The following BRAP variants were observed in gnomAD, a reference collection of about 807,000 sequenced individuals.
BRAP encodes the protein BRCA1 associated protein.
BRAP carries 42 observed loss-of-function variants against 73.4 expected under a neutral mutation model. The ratio of observed to expected loss-of-function variants is 0.57; its 90% CI spans 0.45 to 0.74. BRAP has a LOEUF of 0.74. BRAP is among the 30% of genes least tolerant of loss of function. The pLI is 0.00. For missense variants in BRAP, 593 were observed against 751.4 expected (o/e 0.79, Z 2.46); for synonymous variants, 255 against 267.4 (o/e 0.95, Z 0.45).
chr12:111,667,423 G>A (rs1045483339), intron 5 of BRAP, among the ~76,000 whole-genome samples: 5 of 152,208 alleles, frequency 3.3e-5, no homozygotes, highest in Middle Eastern at 6.8e-3. Context: ...AAAGATGCCG[G>A]GCGGGGTGGC....
chr12:111,674,113 C>T (rs1441917308), intron 4 of BRAP, among the ~76,000 whole-genome samples: 1 of 152,214 alleles, frequency 6.6e-6, no homozygotes, highest in Non-Finnish European at 1.5e-5. Context: ...TTCAGGGCTG[C>T]ACCAGGCAAA....
intron 5 of BRAP, among the ~76,000 whole-genome samples, chr12:111,668,958 A>G (rs548706151): frequency 6.6e-6 from 1 of 152,110 alleles, no homozygotes; most frequent in African/African-American, 2.4e-5. Flanking sequence ...TGGCCAAAAA[A>G]AATTCTTTTA....
At chr12:111,680,400 C>T (rs73203678) in intron 3 of BRAP, among the ~76,000 whole-genome samples, 1,719 of 152,068 alleles carry the variant, frequency 0.011, 10 homozygotes, top group Non-Finnish European at 0.019. Flanking sequence ...AGCTGTGATC[C>T]AGAATGGCTA....
chr12:111,650,621 C>T (rs575283703), intron 10 of BRAP, among the ~76,000 whole-genome samples: 1 of 152,250 alleles, frequency 6.6e-6, no homozygotes, highest in South Asian at 2.1e-4. Flanking sequence ...TCTCAAACTC[C>T]TGACCTCAAG....
In BRAP at chr12:111,644,711, C is replaced by T. The variant is rs183704101; in HGVS notation, c.1416-149G>A. 19 of 1,273,362 alleles carry T rather than the reference C, an allele frequency of 1.5e-5. No individual in the cohort carries two copies. The East Asian group carries it at 4.2e-4, about 28-fold the overall frequency. 78.9% of individuals were successfully genotyped at this position (1,273,362 alleles called of 1,614,324 possible). A position where few individuals can be genotyped will look rare whatever the true frequency, so the allele number is the denominator to read the frequency against. The stretch of plus-strand genomic sequence containing the variant: ...CATCGTGAGGGAGAATGGTTTTCTG[C>T]CATCGCAATCAGCTATGCAAAGCAA... On this transcript the variant is annotated intron_variant, in intron 11 of 11. Transcript: ENST00000419234.
chr12:111,682,634 G>A (rs1318476049), intron 2 of BRAP, among the ~76,000 whole-genome samples: 3 of 152,138 alleles, frequency 2.0e-5, no homozygotes, highest in South Asian at 4.2e-4. Context: ...CCTGGTAGCC[G>A]GGTGTGGTGG....
chr12:111,679,313 C>T lies in BRAP; in HGVS notation c.471G>A (p.Val157=). The T allele has an allele frequency of 6.4e-7, 1 of 1,557,468 alleles. No individual in the cohort carries two copies. The highest frequency in any genetic ancestry group is 8.7e-7 in the Non-Finnish European group (1 of 1,148,962). ...GAATACACAGCATGGCACTGCGCCGCACATCTTCTTTTAAGGAGGTCATCT... is the reference window on the plus strand; with the variant it reads ...GAATACACAGCATGGCACTGCGCCGTACATCTTCTTTTAAGGAGGTCATCT... The part of the protein sequence containing the change: ...TNKMTSLKED[V]RRSAMLCILT... Residue 157 remains valine, a synonymous_variant, in exon 4 of 12, where the codon GTG becomes GTA. Transcript: ENST00000419234.
At chr12:111,685,405 G>A (rs1432421551) in intron 1 of BRAP, among the ~76,000 whole-genome samples, 1 of 152,190 alleles carries the variant, frequency 6.6e-6, no homozygotes, top group Non-Finnish European at 1.5e-5. Context: ...CTGCCTTTAC[G>A]AAGCCCATAG....
At position 111,644,317 on chromosome 12, in the gene BRAP, C is replaced by T. The variant is rs145317226; in HGVS notation, c.1661G>A (p.Arg554Gln). 1.4e-5 allele frequency: 23 copies of T among 1,613,898 alleles called. No individual in the cohort carries two copies. The highest frequency in any genetic ancestry group is 3.3e-5 in the Admixed American group (2 of 59,978). The change falls in exon 12 of 12, where the codon CGG becomes CAG. Residue 554 changes from arginine to glutamine, a missense_variant. This residue lies in a region of BRAP where 79 missense variants were observed against 65.3 expected (regional missense o/e 1.21). Coordinates refer to ENST00000419234, the MANE Select transcript of BRAP (RefSeq NM_006768.5). The part of the protein sequence containing the change: ...QKINHLPAET[R>Q]QEIQEGQINI... Reference sequence around the variant, plus strand: ...GATCTGTCCCTCCTGGATTTCCTGCCGGGTCTCGGCAGGCAGATGGTTGAT... The same window carrying T: ...GATCTGTCCCTCCTGGATTTCCTGCTGGGTCTCGGCAGGCAGATGGTTGAT...
chr12:111,652,203 A>G (rs1397940346), intron 10 of BRAP, among the ~76,000 whole-genome samples: 1 of 152,152 alleles, frequency 6.6e-6, no homozygotes, highest in Admixed American at 6.6e-5. Flanking sequence ...AGATGAAAAT[A>G]TAAAGGTAAC....
chr12:111,660,514 T>C, intron 7 of BRAP, 86 bp downstream of exon 7: 1 of 1,148,184 alleles, frequency 8.7e-7, no homozygotes, highest in Middle Eastern at 2.1e-4. Flanking sequence ...AAATTAAAAA[T>C]AAAGAACTTA....
chr12:111,667,167 T>C (rs1886977107), intron 5 of BRAP, among the ~76,000 whole-genome samples: 1 of 152,192 alleles, frequency 6.6e-6, no homozygotes, highest in Non-Finnish European at 1.5e-5. Flanking sequence ...TATATACATT[T>C]CCATTGTTTT....
At chr12:111,679,441 A>G (rs1352302769) in intron 3 of BRAP, 101 bp from the exon 4 acceptor site, 1 of 840,680 alleles carries the variant, frequency 1.2e-6, no homozygotes, top group Non-Finnish European at 1.6e-6. Context: ...AAAAATAAAA[A>G]TTGTAATATT....
chr12:111,658,651 C>T, intron 9 of BRAP, 85 bp downstream of exon 9: 1 of 1,112,514 alleles, frequency 9.0e-7, no homozygotes, highest in East Asian at 2.5e-5. Flanking sequence ...AAAAAATGTA[C>T]ATCCAGGTAA....
rs551863409 is a variant in BRAP at position 111,646,512 on chromosome 12, C to T, written c.1416-1950G>A. Among the ~76,000 whole-genome samples the T allele has an allele frequency of 1.6e-4, 24 of 152,190 alleles. No homozygotes were observed. The South Asian group carries it at 5.0e-3, about 32-fold the overall frequency. On this transcript the variant is annotated intron_variant, in intron 11 of 11. Transcript: ENST00000419234. ...AATTTGGGCCAGGCACGGTGGCTCA[C>T]GCCTGTTATCCCAGCACTTTGGGAG... is the stretch of plus-strand genomic sequence containing the variant.
intron 5 of BRAP, chr12:111,670,183 T>G: frequency 3.3e-6 from 2 of 613,126 alleles, no homozygotes; most frequent in South Asian, 1.4e-5. Context: ...TGGAGATCAC[T>G]GTAGGCTTTG....
At chr12:111,660,528 C>T (rs911304244) in intron 7 of BRAP, 72 bp downstream of exon 7, 11 of 1,292,142 alleles carry the variant, frequency 8.5e-6, no homozygotes, top group African/African-American at 1.5e-5. Flanking sequence ...GAACTTAAGT[C>T]ATACCAGGCA....
At chr12:111,660,218 G>GA (rs1286810704) in intron 7 of BRAP, among the ~76,000 whole-genome samples, 1 of 151,338 alleles carries the variant, frequency 6.6e-6, no homozygotes, top group East Asian at 1.9e-4. Context: ...TGAACAGCAA[G>GA]AAAAAAATTC....
At chr12:111,672,579 G>T in intron 5 of BRAP, 82 bp downstream of exon 5, 2 of 1,243,458 alleles carry the variant, frequency 1.6e-6, no homozygotes, top group East Asian at 2.5e-5. Flanking sequence ...GGCCTATTCT[G>T]GGTATTTCAC....
Sources: gnomAD v4.1 joint callset for allele counts (sites outside exome capture counted in the v4.1 genomes callset) on GRCh38, gnomAD v4.1.1 for gene constraint, gnomAD v4.1.1 regional missense constraint, MANE v1.5 for transcripts, NCBI Gene and HGNC (gene_info 2026-07-23, HGNC 2026-07-21) for gene names.